KIFBP: variants seen among roughly 807,000 people sequenced by gnomAD.
KIFBP encodes kinesin family binding protein.
A neutral mutation model predicts 58.9 loss-of-function variants in KIFBP; 46 were observed. That is an observed-to-expected ratio of 0.78 (90% CI 0.62 to 1.00). The LOEUF (loss-of-function observed/expected upper bound fraction) is 1.00, where lower values mean the gene tolerates loss of function less well. Among genes scored for constraint, KIFBP ranks in the 50% least tolerant of loss-of-function variants. The probability of loss-of-function intolerance (pLI) is 0.00; values close to 1 mark genes in which losing one functional copy is unlikely to be tolerated. For missense variants in KIFBP, 651 were observed against 752.9 expected, an observed-to-expected ratio of 0.86 and a Z score of 1.58; for synonymous variants, 241 against 283.4, an observed-to-expected ratio of 0.85 and a Z score of 1.50.
chr10:69,008,410 A>ATATATATG (rs1843559735), intron 4 of KIFBP, among the ~76,000 whole-genome samples: 1 of 138,184 alleles, frequency 7.2e-6, no homozygotes, highest in Non-Finnish European at 1.5e-5. Flanking sequence ...ATATATATAT[A>ATATATATG]TATATATATT....
At chr10:69,011,213 G>A in intron 6 of KIFBP, 198 bp downstream of exon 6, 1 of 544,600 alleles carries the variant, frequency 1.8e-6, no homozygotes, top group Non-Finnish European at 3.4e-6. Flanking sequence ...GGCTGCGTGA[G>A]CCGAGATTGG....
At position 69,015,615 on chromosome 10, in the gene KIFBP, G is replaced by A. The variant is rs535086651; in HGVS notation, c.1065G>A (p.Glu355=). The change falls in exon 7 of 7, where the codon GAG becomes GAA. Residue 355 remains glutamate (E), a synonymous_variant. Transcript: ENST00000361983. ...RALRKKELDE[E]ESIRKKAVQF... ...TAAGGAAAAAAGAACTAGATGAGGA[G>A]GAAAGCATTCGGAAAAAAGCTGTGC... The A allele has an allele frequency of 1.3e-5, 21 of 1,613,862 alleles. No individual in the cohort carries two copies. The African/African-American group carries it at 2.7e-4, about 21-fold the overall frequency.
chr10:69,016,365 T>G lies in KIFBP; in HGVS notation c.1815T>G (p.Ser605Arg). 1 of 1,614,132 alleles carries G rather than the reference T, an allele frequency of 6.2e-7. No homozygotes were observed. The change falls in exon 7 of 7, where the codon AGT becomes AGG. Residue 605 changes from serine (S) to arginine (R), a missense_variant. Physicochemically the swap from Ser to Arg is moderately radical, Grantham distance 110 (BLOSUM62 -1). Coordinates refer to ENST00000361983, the MANE Select transcript of KIFBP (RefSeq NM_015634.4). ...VELELSKEMV[S>R]LLPTKMERFR... Reference sequence around the variant, plus strand: ...TAGAACTTAGTAAAGAGATGGTTAGTCTTCTCCCAACAAAAATGGAGAGAT... The same window carrying G: ...TAGAACTTAGTAAAGAGATGGTTAGGCTTCTCCCAACAAAAATGGAGAGAT...
At position 69,000,489 on chromosome 10, in the gene KIFBP, A is replaced by G. The variant is rs1159443706; in HGVS notation, c.492A>G (p.Ser164=). 1 of 1,610,556 alleles carries G rather than the reference A, an allele frequency of 6.2e-7. No individual in the cohort carries two copies. Among genetic ancestry groups the G allele is most frequent in the East Asian group, 2.2e-5 (1 of 44,804 alleles). ...AAACTGCACAGGCTTACCTAGAGTC[A>G]TCAGAAGCACTATATAATCAGTATA... is the stretch of plus-strand genomic sequence containing the variant. ...EIETAQAYLE[S]SEALYNQYMK... The change falls in exon 2 of 7, where the codon TCA becomes TCG. Residue 164 remains serine (S), a synonymous_variant. Transcript: ENST00000361983.
intron 1 of KIFBP, among the ~76,000 whole-genome samples, chr10:68,994,825 C>G (rs1843387327): frequency 6.6e-6 from 1 of 151,856 alleles, no homozygotes; most frequent in African/African-American, 2.4e-5. Flanking sequence ...CAAAAGTTTT[C>G]TTGTGCTCCT....
chr10:68,996,283 G>A (rs1056591335), intron 1 of KIFBP, among the ~76,000 whole-genome samples: 5 of 152,136 alleles, frequency 3.3e-5, no homozygotes, highest in Non-Finnish European at 7.3e-5. Flanking sequence ...AAGGTGGGCC[G>A]GGTGTGGTGG....
Position 69,015,969 on chromosome 10 carries a change from C to A in KIFBP, c.1419C>A (p.Ile473=). The change falls in exon 7 of 7, where the codon ATC becomes ATA. Residue 473 remains isoleucine (I), a synonymous_variant. Transcript: ENST00000361983. ...PQYYLLVNRQ[I]QFEIAHAYYD... is the part of the protein sequence containing the mutation. ...ATTATCTGTTGGTCAACAGACAGAT[C>A]CAGTTTGAAATTGCACATGCTTACT... The A allele has an allele frequency of 6.2e-7, 1 of 1,614,082 alleles. No individual in the cohort carries two copies. The highest frequency in any genetic ancestry group is 8.5e-7 in the Non-Finnish European group (1 of 1,179,988).
chr10:69,015,504 G>A (rs749944250), intron 6 of KIFBP, 37 bp from the exon 7 acceptor site: 4 of 1,594,764 alleles, frequency 2.5e-6, no homozygotes, highest in Non-Finnish European at 3.4e-6. Context: ...GGAGGTGAGT[G>A]TCCTACTTAA....
intron 4 of KIFBP, among the ~76,000 whole-genome samples, chr10:69,008,384 A>AT: frequency 1.1e-5 from 1 of 90,562 alleles, no homozygotes; most frequent in Non-Finnish European, 2.3e-5. Flanking sequence ...TCGTAAAAAA[A>AT]AAAAAAAATA....
At chr10:68,991,340 A>G (rs2132105893) in intron 1 of KIFBP, 2 of 259,646 alleles carry the variant, frequency 7.7e-6, no homozygotes, top group Middle Eastern at 1.8e-3. Flanking sequence ...CAATGGCAGC[A>G]ATCAGGAAGA....
rs759865249 is a variant in KIFBP, at chr10:69,005,823, A to G, written c.697A>G (p.Ser233Gly). The part of the protein sequence containing the change: ...MFEKAAHYCH[S>G]TLKRQLEHNA... ...TGAGAAGGCTGCTCACTATTGCCAT[A>G]GTACACTAAAACGCCAGCTTGAGCA... Residue 233 changes from serine to glycine, a missense_variant, in exon 4 of 7, where the codon AGT becomes GGT. Transcript: ENST00000361983. The G allele has an allele frequency of 1.2e-6, 2 of 1,614,152 alleles. No homozygotes were observed. Among genetic ancestry groups the G allele is most frequent in the South Asian group, 1.1e-5 (1 of 91,080 alleles).
At chr10:69,005,482 CCTGA>C (rs1427800528) in intron 3 of KIFBP, among the ~76,000 whole-genome samples, 4 of 152,092 alleles carry the variant, frequency 2.6e-5, no homozygotes, top group Middle Eastern at 3.4e-3. Context: ...TCAAGACTGG[CCTGA>C]CTATTATGGT....
intron 1 of KIFBP, among the ~76,000 whole-genome samples, chr10:68,997,774 G>A (rs1322770121): frequency 6.6e-6 from 1 of 152,034 alleles, no homozygotes; most frequent in Admixed American, 6.6e-5. Flanking sequence ...AAACTCCTTT[G>A]ACCATGACAC....
intron 4 of KIFBP, among the ~76,000 whole-genome samples, chr10:69,006,690 C>T (rs940342631): frequency 6.6e-6 from 1 of 152,216 alleles, no homozygotes; most frequent in African/African-American, 2.4e-5. Flanking sequence ...TCGCAAGCCT[C>T]TCTGAAATTT....
intron 6 of KIFBP, among the ~76,000 whole-genome samples, chr10:69,014,002 C>T (rs946510277): frequency 5.3e-5 from 8 of 152,280 alleles, no homozygotes; most frequent in South Asian, 4.1e-4. Context: ...CCACCCACGT[C>T]GGCCTCCCAA....
chr10:68,991,959 T>G lies in KIFBP; in HGVS notation c.426+2701T>G, dbSNP rs537058522. 1.5e-4 allele frequency among the ~76,000 whole-genome samples: 22 copies of G among 151,262 alleles called. No homozygotes were observed. In the Middle Eastern group the frequency reaches 0.01, roughly 71 times the overall value. Reference sequence around the variant, plus strand: ...ACTGTTCGTATGATGATACACTTTCTTTTTTATGTGGGTTTTTTTTTTTGC... The same window carrying G: ...ACTGTTCGTATGATGATACACTTTCGTTTTTATGTGGGTTTTTTTTTTTGC... On this transcript the variant is annotated intron_variant, in intron 1 of 6. Coordinates refer to ENST00000361983, the MANE Select transcript of KIFBP (RefSeq NM_015634.4).
intron 4 of KIFBP, among the ~76,000 whole-genome samples, chr10:69,008,391 A>AATATATATATATAT (rs1173764355): frequency 2.5e-4 from 18 of 71,584 alleles, no homozygotes; most frequent in Middle Eastern, 0.01. Flanking sequence ...AAAAAAAAAA[A>AATATATATATATAT]ATATATATAT....
intron 2 of KIFBP, among the ~76,000 whole-genome samples, chr10:69,004,336 C>T (rs558555188): frequency 6.6e-6 from 1 of 151,270 alleles, no homozygotes; most frequent in South Asian, 2.1e-4. Flanking sequence ...AGTTCAAGAC[C>T]AGCCTGGGCA....
chr10:69,002,143 G>A (rs151058016), intron 2 of KIFBP, among the ~76,000 whole-genome samples: 142 of 152,142 alleles, frequency 9.3e-4, no homozygotes, highest in African/African-American at 3.3e-3. Context: ...TCCAGCCTGG[G>A]TGACAGAGCA....
Sources: allele counts gnomAD v4.1 joint callset (sites outside exome capture counted in the v4.1 genomes callset), GRCh38; gene constraint gnomAD v4.1.1; transcripts MANE v1.5; gene names NCBI Gene and HGNC (gene_info 2026-07-23, HGNC 2026-07-21).